NPIPB11: variants seen among roughly 807,000 people sequenced by gnomAD.
NPIPB11 encodes the protein nuclear pore complex-interacting protein family member B11.
A neutral mutation model predicts 32.8 loss-of-function variants in NPIPB11; 17 were observed. The ratio of observed to expected loss-of-function variants is 0.52; its 90% CI spans 0.35 to 0.78. The LOEUF (loss-of-function observed/expected upper bound fraction) is 0.78. Among genes scored for constraint, NPIPB11 ranks in the 30% least tolerant of loss-of-function variants. The pLI is 0.01. For missense variants in NPIPB11, 537 were observed against 1,000.4 expected (o/e 0.54, Z 6.25); for synonymous variants, 209 against 398.4 (o/e 0.52, Z 5.66).
chr16:29,391,097 T>G (rs1372513553), intron 3 of NPIPB11, among the ~76,000 whole-genome samples: 1 of 148,746 alleles, frequency 6.7e-6, no homozygotes, highest in African/African-American at 2.5e-5. Flanking sequence ...TGAAACCCCG[T>G]CTCTACTAAA....
chr16:29,398,802 G>A (rs982632473), intron 2 of NPIPB11, among the ~76,000 whole-genome samples: 29 of 151,458 alleles, frequency 1.9e-4, no homozygotes, highest in East Asian at 3.9e-4. Flanking sequence ...TCTCCCTCTG[G>A]CCTGGGAATT....
rs548230704 is a variant in NPIPB11, at chr16:29,383,513, G to C, written c.1419C>G (p.Leu473=). 7.9e-6 allele frequency: 12 copies of C among 1,510,040 alleles called. 4 individuals carry two copies. Among genetic ancestry groups the C allele is most frequent in the African/African-American group, 1.8e-5 (1 of 54,956 alleles). The allele number at this position is 1,510,040 out of a possible 1,614,324, so 93.5% of individuals were successfully genotyped here. ...TGAGCTGACGCTCAGAAGGTGTCTT[G>C]AGATTATCATCGGCTGAGGGTGGAA... The change falls in exon 8 of 8, where the codon CTC becomes CTG. Residue 473 remains leucine (L), a synonymous_variant. Coordinates refer to ENST00000524087, the Ensembl canonical transcript of NPIPB11.
intron 3 of NPIPB11, among the ~76,000 whole-genome samples, chr16:29,392,352 A>C (rs1032398753): frequency 6.6e-6 from 1 of 151,712 alleles, no homozygotes; most frequent in African/African-American, 2.4e-5. Context: ...AGAGGTGCGA[A>C]GTTGTCCAAG....
Position 29,391,974 on chromosome 16 carries a change from G to A in NPIPB11, c.250-1626C>T, listed in dbSNP as rs534690222. On this transcript the variant is annotated intron_variant, in intron 3 of 7. Coordinates refer to ENST00000524087, the Ensembl canonical transcript of NPIPB11. ...GACCTCAAGTCATCCACCTGCCTCA[G>A]CCTCCCAAAGTGCTGGGATTACAGG... is the stretch of plus-strand genomic sequence containing the variant. Among the ~76,000 whole-genome samples, 10 of 152,118 alleles carry A rather than the reference G, an allele frequency of 6.6e-5. No homozygotes were observed. In the East Asian group the frequency reaches 1.9e-3, roughly 29 times the overall value.
chr16:29,403,077 T>C (rs1964035243), intron 2 of NPIPB11, among the ~76,000 whole-genome samples: 2 of 148,086 alleles, frequency 1.4e-5, no homozygotes, highest in Non-Finnish European at 3.0e-5. Flanking sequence ...TTTTGCAGGA[T>C]AATTTTTTTT....
At chr16:29,389,155 A>G (rs1271607372) in intron 5 of NPIPB11, among the ~76,000 whole-genome samples, 6 of 147,508 alleles carry the variant, frequency 4.1e-5, no homozygotes, top group Non-Finnish European at 9.0e-5. Flanking sequence ...AGATCATGCC[A>G]CTGCACTCTA....
chr16:29,390,862 T>C (rs1352884460), intron 3 of NPIPB11, among the ~76,000 whole-genome samples: 18 of 138,322 alleles, frequency 1.3e-4, no homozygotes, highest in East Asian at 8.3e-4. Context: ...AGTCGGGAGG[T>C]TGAGGCAGGA....
chr16:29,382,234 G>T lies in NPIPB11; in HGVS notation c.2698C>A (p.Pro900Thr), dbSNP rs760156946. The T allele has an allele frequency of 4.4e-6, 7 of 1,590,976 alleles. No homozygotes were observed. The East Asian group carries it at 9.1e-5, about 21-fold the overall frequency. Reference sequence around the variant, plus strand: ...AGGGGAGTGAGCTGACGTTTGGAAGGTGTCTTGAGATTATCATCCGCTGAG... The same window carrying T: ...AGGGGAGTGAGCTGACGTTTGGAAGTTGTCTTGAGATTATCATCCGCTGAG... Residue 900 changes from proline (P) to threonine (T), a missense_variant, in exon 8 of 8, where the codon CCT (proline) becomes ACT (threonine). Pro to Thr is a conservative substitution (Grantham distance 38). Transcript: ENST00000524087.
At chr16:29,396,993 C>T (rs1357596784) in intron 2 of NPIPB11, among the ~76,000 whole-genome samples, 3 of 151,516 alleles carry the variant, frequency 2.0e-5, no homozygotes, top group African/African-American at 7.3e-5. Flanking sequence ...ACTAAAAACA[C>T]AAAAATTAGC....
chr16:29,390,406 C>T, intron 3 of NPIPB11, 58 bp from the exon 4 acceptor site: 1 of 1,594,638 alleles, frequency 6.3e-7, no homozygotes, highest in Admixed American at 1.7e-5. Context: ...CGTATAATCC[C>T]AGTACTTCGG....
chr16:29,402,724 C>CTCTCTCTCTGTGTGTG (rs1449821025), intron 2 of NPIPB11, among the ~76,000 whole-genome samples: 108 of 119,668 alleles, frequency 9.0e-4, no homozygotes, highest in East Asian at 1.7e-3. Context: ...CTCTCTCTCT[C>CTCTCTCTCTGTGTGTG]TGTGTGTGTG....
chr16:29,402,724 C>CTCTCTG (rs1449821025), intron 2 of NPIPB11, among the ~76,000 whole-genome samples: 2,642 of 119,518 alleles, frequency 0.022, 44 homozygotes, highest in Middle Eastern at 0.036. Flanking sequence ...CTCTCTCTCT[C>CTCTCTG]TGTGTGTGTG....
intron 3 of NPIPB11, among the ~76,000 whole-genome samples, chr16:29,392,122 G>T (rs1464793702): frequency 6.6e-6 from 1 of 151,408 alleles, no homozygotes; most frequent in Non-Finnish European, 1.5e-5. Context: ...GAAGCAATGG[G>T]TAATCTAAAA....
At chr16:29,397,040 C>T (rs1343077582) in intron 2 of NPIPB11, among the ~76,000 whole-genome samples, 3 of 151,302 alleles carry the variant, frequency 2.0e-5, no homozygotes, top group Non-Finnish European at 4.4e-5. Context: ...AAAAATTAGC[C>T]AGGCGTTGTA....
At chr16:29,406,249 A>G (rs972581342), upstream of NPIPB11, among the ~76,000 whole-genome samples, 11 of 152,394 alleles carry the variant, frequency 7.2e-5, no homozygotes, top group African/African-American at 2.6e-4. Flanking sequence ...AAATGTGGCG[A>G]TACTGCATGG....
At chr16:29,397,691 G>T in intron 2 of NPIPB11, 1 of 946,534 alleles carries the variant, frequency 1.1e-6, no homozygotes, top group African/African-American at 1.7e-5. Flanking sequence ...AGAGGTGGAG[G>T]TGGCTTAGGG....
Position 29,383,134 on chromosome 16 carries a change from T to A in NPIPB11, c.1798A>T (p.Arg600Ter). ...AGTGAGCTGACGCTCGGAAGGTCTC[T>A]TGAGATTATCATCCGCTGAGGGTGG... The change falls in exon 8 of 8, where the codon AGA (arginine) becomes TGA (stop). Residue 600 changes from arginine to a stop codon, truncating the protein, a stop_gained. Coordinates refer to ENST00000524087, the Ensembl canonical transcript of NPIPB11. LOFTEE classifies it low-confidence loss of function (END_TRUNC). The A allele has an allele frequency of 6.3e-7, 1 of 1,594,920 alleles. No individual in the cohort carries two copies. Among genetic ancestry groups the A allele is most frequent in the Non-Finnish European group, 8.5e-7 (1 of 1,172,300 alleles).
upstream of NPIPB11, among the ~76,000 whole-genome samples, chr16:29,406,403 C>T (rs1964114790): frequency 6.6e-6 from 1 of 152,200 alleles, no homozygotes; most frequent in South Asian, 2.1e-4. Context: ...TAAATGTTTG[C>T]TAAAGTTATA....
At chr16:29,389,907 C>T in intron 5 of NPIPB11, 34 bp downstream of exon 5, 1 of 1,582,844 alleles carries the variant, frequency 6.3e-7, no homozygotes, top group Non-Finnish European at 8.6e-7. Flanking sequence ...GCACATGGTT[C>T]CTACAACAGT....
Sources: allele counts gnomAD v4.1 joint callset (sites outside exome capture counted in the v4.1 genomes callset), GRCh38; gene constraint gnomAD v4.1.1; transcripts MANE v1.5; gene names NCBI Gene and HGNC (gene_info 2026-07-23, HGNC 2026-07-21).